The following KDM4D variants were observed in gnomAD, a reference collection of about 807,000 sequenced individuals.
KDM4D encodes the protein lysine-specific demethylase 4D.
For missense variants in KDM4D, 427 were observed against 674.8 expected (o/e 0.63, Z 4.07); for synonymous variants, 254 against 249.1 (o/e 1.02, Z -0.19).
intron 2 of KDM4D, among the ~76,000 whole-genome samples, chr11:94,990,280 C>T (rs993976138): frequency 5.3e-5 from 8 of 152,160 alleles, no homozygotes; most frequent in Non-Finnish European, 8.8e-5. Flanking sequence ...AAATGTAGCA[C>T]TCATGGAGTA....
chr11:94,988,378 C>T (rs1857905914), intron 2 of KDM4D, among the ~76,000 whole-genome samples: 2 of 152,128 alleles, frequency 1.3e-5, no homozygotes, highest in Admixed American at 1.3e-4. Context: ...TTCGGTAAAC[C>T]TCCAACTTTA....
rs201709522 is a variant in KDM4D at position 94,998,332 on chromosome 11, C to T, written c.960C>T (p.Ser320=). ...GTGGGGAGGCAAGGGTGACCTTTTC[C>T]ATGGATGCCTTCGTGCGCATCCTGC... ...CSCGEARVTF[S]MDAFVRILQP... Residue 320 remains serine, a synonymous_variant, in exon 3 of 3, where the codon TCC becomes TCT. Transcript: ENST00000335080. The surrounding 1 kb of genome is among the most constrained non-coding windows in gnomAD (Gnocchi z 6.7). 983 of 1,614,134 alleles carry T rather than the reference C, an allele frequency of 6.1e-4. 13 individuals carry two copies. In the South Asian group the frequency reaches 8.4e-3, roughly 14 times the overall value.
In KDM4D at chr11:94,999,243, G is replaced by A. The variant is rs1054532; in HGVS notation, c.*299G>A. ...AGAACTAGGTCTTGTTGAGGTTAGC[G>A]TAACCTGGTATATGCAACTACCATC... is the stretch of plus-strand genomic sequence containing the variant. On this transcript the variant is annotated 3_prime_UTR_variant, in exon 3 of 3. Transcript: ENST00000335080. The A allele has an allele frequency of 0.11, 26,068 of 235,000 alleles. 1,684 individuals are homozygous for A. The highest frequency in any genetic ancestry group is 0.18 in the Middle Eastern group (122 of 678). 14.6% of individuals were successfully genotyped at this position (235,000 alleles called of 1,614,324 possible). A position where few individuals can be genotyped will look rare whatever the true frequency, so the allele number is the denominator to read the frequency against.
At chr11:94,995,204 A>G (rs1200724342) in intron 2 of KDM4D, among the ~76,000 whole-genome samples, 1 of 152,232 alleles carries the variant, frequency 6.6e-6, no homozygotes, top group Non-Finnish European at 1.5e-5. Context: ...ATAATTGTAG[A>G]GACTGAAAAC....
intron 1 of KDM4D, 33 bp from the exon 2 acceptor site, chr11:94,975,620 AT>A (rs1279986982): frequency 1.6e-4 from 25 of 151,664 alleles, no homozygotes; most frequent in African/African-American, 4.8e-4. Context: ...TATTAATATT[AT>A]TTTTATTATT....
intron 2 of KDM4D, 141 bp downstream of exon 2, chr11:94,975,889 A>G (rs1555096939): frequency 6.6e-6 from 1 of 152,218 alleles, no homozygotes; most frequent in Non-Finnish European, 1.5e-5. Flanking sequence ...GCCTGGAGTG[A>G]ATCACTTCAT....
Position 94,998,547 on chromosome 11 carries a change from G to A in KDM4D, c.1175G>A (p.Arg392His), listed in dbSNP as rs782763372. ...ARHSPWPMAARSGTRCHTLVC... is the reference protein window; with the variant it reads ...ARHSPWPMAAHSGTRCHTLVC... ...CATTCCCCTTGGCCTATGGCTGCCC[G>A]CAGTGGGACACGGTGCCACACCCTT... The change falls in exon 3 of 3, where the codon CGC becomes CAC. Residue 392 changes from arginine (R) to histidine (H), a missense_variant. Transcript: ENST00000335080. This position sits in a 1 kb window ranked among gnomAD's most constrained non-coding sequence, Gnocchi z 6.7. 10 of 1,613,118 alleles carry A rather than the reference G, an allele frequency of 6.2e-6. No homozygotes were observed. In the Admixed American group the frequency reaches 8.3e-5, roughly 13 times the overall value.
chr11:94,988,286 T>C (rs587724363), intron 2 of KDM4D, among the ~76,000 whole-genome samples: 1 of 152,342 alleles, frequency 6.6e-6, no homozygotes, highest in Non-Finnish European at 1.5e-5. Flanking sequence ...AACAAAGACA[T>C]TTTCAGACTC....
rs56220010 is a variant in KDM4D at position 94,982,543 on chromosome 11, TAAAA to T, written c.-350+6808_-350+6811del. Among the ~76,000 whole-genome samples the T allele has an allele frequency of 3.3e-3, 461 of 139,516 alleles. 2 individuals carry two copies. Among genetic ancestry groups the T allele is most frequent in the South Asian group, 0.011 (48 of 4,378 alleles). The allele number at this position is 139,516 out of a possible 152,430, so 91.5% of individuals were successfully genotyped here. On this transcript the variant is annotated intron_variant, in intron 2 of 2. Coordinates refer to ENST00000335080, the MANE Select transcript of KDM4D (RefSeq NM_018039.3). ...TAGTTACTTAAGACTTCCCTATTTC[TAAAA>T]AAAAAAAAAAAAGAGACATGACTAT...
rs587749213 is a variant in KDM4D, at chr11:94,990,273, T to C, written c.-349-6751T>C. On this transcript the variant is annotated intron_variant, in intron 2 of 2. Coordinates refer to ENST00000335080, the MANE Select transcript of KDM4D (RefSeq NM_018039.3). ...CAGCTTGTATTAAGCACCAAATAAA[T>C]GTAGCACTCATGGAGTATAGAAGAT... Among the ~76,000 whole-genome samples, 3 of 152,270 alleles carry C rather than the reference T, an allele frequency of 2.0e-5. No homozygotes were observed. The South Asian group carries it at 6.2e-4, about 32-fold the overall frequency.
At chr11:94,979,704 TA>T (rs1555097375) in intron 2 of KDM4D, among the ~76,000 whole-genome samples, 2 of 152,230 alleles carry the variant, frequency 1.3e-5, no homozygotes, top group Non-Finnish European at 2.9e-5. Flanking sequence ...TGTATAAAAA[TA>T]CACACCATAA....
rs1858004819 is a variant in KDM4D at position 94,999,054 on chromosome 11, A to AT, written c.*111dup. 2.8e-6 allele frequency: 3 copies of AT among 1,054,946 alleles called. No homozygotes were observed. The highest frequency in any genetic ancestry group is 1.6e-5 in the African/African-American group (1 of 62,572). 65.3% of individuals were successfully genotyped at this position (1,054,946 alleles called of 1,614,324 possible). On this transcript the variant is annotated 3_prime_UTR_variant, in exon 3 of 3. Transcript: ENST00000335080. ...TGAGTTTGCAGGACTCTAGGCATGC[A>AT]TGAAAGAGCCCCCCTGGTGATGCCC...
chr11:94,982,543 TAAAAA>T (rs56220010), intron 2 of KDM4D, among the ~76,000 whole-genome samples: 2 of 139,542 alleles, frequency 1.4e-5, no homozygotes, highest in Non-Finnish European at 3.1e-5. Flanking sequence ...TCCCTATTTC[TAAAAA>T]AAAAAAAAAA....
At chr11:94,977,511 A>C (rs757215660) in intron 2 of KDM4D, among the ~76,000 whole-genome samples, 1 of 152,120 alleles carries the variant, frequency 6.6e-6, no homozygotes, top group Non-Finnish European at 1.5e-5. Flanking sequence ...TGCCAAGGCT[A>C]TTCTTTCCTG....
intron 2 of KDM4D, among the ~76,000 whole-genome samples, chr11:94,978,663 G>A (rs1229324871): frequency 5.3e-5 from 8 of 152,008 alleles, no homozygotes; most frequent in African/African-American, 1.2e-4. Context: ...GTACTACTGC[G>A]AAGACAATTA....
chr11:94,996,457 A>G, intron 2 of KDM4D, among the ~76,000 whole-genome samples: 1 of 152,332 alleles, frequency 6.6e-6, no homozygotes, highest in East Asian at 1.9e-4. Context: ...ATTCAAACAT[A>G]GATTACTTTG....
chr11:94,993,453 A>G (rs1024859949), intron 2 of KDM4D, among the ~76,000 whole-genome samples: 7 of 151,906 alleles, frequency 4.6e-5, no homozygotes, highest in Admixed American at 1.3e-4. Context: ...TAGAGAAGTG[A>G]CACATTTGGC....
At chr11:94,991,222 G>C (rs587602051) in intron 2 of KDM4D, among the ~76,000 whole-genome samples, 23 of 152,248 alleles carry the variant, frequency 1.5e-4, no homozygotes, top group African/African-American at 5.5e-4. Flanking sequence ...ATCATTCAGG[G>C]AAGCATAATC....
Position 94,998,543 on chromosome 11 carries a change from G to C in KDM4D, c.1171G>C (p.Ala391Pro), listed in dbSNP as rs1555099588. ...CCGGCATTCCCCTTGGCCTATGGCT[G>C]CCCGCAGTGGGACACGGTGCCACAC... ...WARHSPWPMA[A>P]RSGTRCHTLV... Residue 391 changes from alanine (A) to proline (P), a missense_variant, in exon 3 of 3, where the codon GCC becomes CCC. Physicochemically the swap from Ala to Pro is conservative, Grantham distance 27. Coordinates refer to ENST00000335080, the MANE Select transcript of KDM4D (RefSeq NM_018039.3). The surrounding 1 kb of genome is among the most constrained non-coding windows in gnomAD (Gnocchi z 6.7). 6.2e-7 allele frequency: 1 copy of C among 1,612,970 alleles called. No homozygotes were observed. The highest frequency in any genetic ancestry group is 8.5e-7 in the Non-Finnish European group (1 of 1,180,020).
Sources: gnomAD v4.1 joint callset for allele counts (sites outside exome capture counted in the v4.1 genomes callset) on GRCh38, gnomAD v4.1.1 for gene constraint, Gnocchi (gnomAD v3.1) non-coding constraint, MANE v1.5 for transcripts, NCBI Gene and HGNC (gene_info 2026-07-23, HGNC 2026-07-21) for gene names.